KRT81: variants seen among roughly 807,000 people sequenced by gnomAD.
The protein encoded by KRT81 is keratin 81.
KRT81 carries 35 observed loss-of-function variants against 35.8 expected under a neutral mutation model. That is an observed-to-expected ratio of 0.98 (90% confidence interval 0.75 to 1.30). KRT81 has a LOEUF of 1.30. Ranked by LOEUF, KRT81 falls within the 50% of genes most tolerant of loss-of-function variation. The pLI is 0.00. For synonymous variants in KRT81, 249 were observed against 251.2 expected (o/e 0.99, Z 0.08); for missense variants, 531 against 577.4 (o/e 0.92, Z 0.82).
At chr12:52,287,942 C>T (rs1938007611) in intron 5 of KRT81, 42 bp downstream of exon 5, 3 of 1,613,986 alleles carry the variant, frequency 1.9e-6, no homozygotes, top group Non-Finnish European at 2.5e-6. Flanking sequence ...TCACATCCCT[C>T]CCACTGACAC....
In KRT81 at chr12:52,288,056, G is replaced by C. The variant is rs575437435; in HGVS notation, c.828C>G (p.Ala276=). 45 of 1,614,046 alleles carry C rather than the reference G, an allele frequency of 2.8e-5. No homozygotes were observed. The highest frequency in any genetic ancestry group is 3.4e-5 in the Non-Finnish European group (40 of 1,180,054). Residue 276 remains alanine, a synonymous_variant, in exon 5 of 9, where the codon GCC becomes GCG. Transcript: ENST00000327741. ...TGTCGTCATACTGTGCCTTAATCTC[G>C]GCAATGATGCAGTCCATGTTCAGGT... is the stretch of plus-strand genomic sequence containing the variant. ...SRDLNMDCII[A]EIKAQYDDIV...
intron 7 of KRT81, 70 bp downstream of exon 7, chr12:52,287,032 C>T (rs978452210): frequency 6.3e-5 from 102 of 1,611,712 alleles, no homozygotes; most frequent in Non-Finnish European, 7.9e-5. Context: ...CATTGCTCAG[C>T]CAAGGCCAAG....
chr12:52,287,447 C>A, intron 6 of KRT81, 125 bp from the exon 7 acceptor site: 4 of 1,571,706 alleles, frequency 2.5e-6, no homozygotes, highest in Non-Finnish European at 3.5e-6. Context: ...CCTTTATCAC[C>A]TGGGACTCAT....
chr12:52,291,127 G>C lies in KRT81; in HGVS notation c.339C>G (p.Leu113=). The C allele has an allele frequency of 2.2e-6, 2 of 918,350 alleles. No homozygotes were observed. Among genetic ancestry groups the C allele is most frequent in the Non-Finnish European group, 3.1e-6 (2 of 648,900 alleles). 56.9% of individuals were successfully genotyped at this position (918,350 alleles called of 1,614,324 possible). A position where few individuals can be genotyped will look rare whatever the true frequency, so the allele number is the denominator to read the frequency against. ...CGATGAAGGCCGCGAACCTGCTGTT[G>C]AGGGACTTGATCTGCTCCTTCTCCT... ...KQEEKEQIKS[L]NSRFAAFIDK... is the part of the protein sequence containing the mutation. The change falls in exon 1 of 9, where the codon CTC becomes CTG. Residue 113 remains leucine, a synonymous_variant. Transcript: ENST00000327741.
chr12:52,288,607 G>T, intron 3 of KRT81, 151 bp from the exon 4 acceptor site: 2 of 997,842 alleles, frequency 2.0e-6, no homozygotes, highest in Non-Finnish European at 3.2e-6. Context: ...TTCCTGGGAT[G>T]AGCTGGCATC....
At chr12:52,287,063 G>T in intron 7 of KRT81, 39 bp downstream of exon 7, 2 of 1,612,494 alleles carry the variant, frequency 1.2e-6, no homozygotes, top group Non-Finnish European at 1.7e-6. Context: ...TGCCAGGGAT[G>T]GGGAAGGGTG....
intron 8 of KRT81, 137 bp downstream of exon 8, chr12:52,286,654 G>A: frequency 1.7e-6 from 2 of 1,180,634 alleles, no homozygotes; most frequent in South Asian, 1.3e-5. Flanking sequence ...TCTTTTGGAT[G>A]TCTGACCCCA....
In KRT81 at chr12:52,285,984, C is replaced by T. The variant is rs1937915608; in HGVS notation, c.*271G>A. ...AGGGGAGAGGCAGGAAGGCAGTTGC[C>T]GTGGGCAAGGTTCTGGTCCTGGCCC... is the stretch of plus-strand genomic sequence containing the variant. On this transcript the variant is annotated 3_prime_UTR_variant, in exon 9 of 9. Transcript: ENST00000327741. 5.7e-6 allele frequency: 3 copies of T among 522,554 alleles called. No homozygotes were observed. Among genetic ancestry groups the T allele is most frequent in the Middle Eastern group, 5.0e-4 (1 of 1,984 alleles). The allele number at this position is 522,554 out of a possible 1,614,324, so 32.4% of individuals were successfully genotyped here.
At chr12:52,287,757 G>C (rs1268699095) in intron 5 of KRT81, 36 bp from the exon 6 acceptor site, 1 of 1,613,988 alleles carries the variant, frequency 6.2e-7, no homozygotes, top group Admixed American at 1.7e-5. Flanking sequence ...GGTTCAGGGT[G>C]GGACCTCCCA....
rs1382935306 is a variant in KRT81 at position 52,291,091 on chromosome 12, A to G, written c.369+6T>C. The G allele has an allele frequency of 9.5e-6, 6 of 630,424 alleles. No individual in the cohort carries two copies. Among genetic ancestry groups the G allele is most frequent in the Admixed American group, 3.8e-5 (1 of 26,610 alleles). 39.1% of individuals were successfully genotyped at this position (630,424 alleles called of 1,614,324 possible). The stretch of plus-strand genomic sequence containing the variant: ...GTTCAGGAAGGGTGTGATCCAGGAC[A>G]CCCACCTTGTCGATGAAGGCCGCGA... On this transcript the variant is annotated splice_donor_region_variant and intron_variant, in intron 1 of 8. Coordinates refer to ENST00000327741, the MANE Select transcript of KRT81 (RefSeq NM_002281.4).
rs148003777 is a variant in KRT81, at chr12:52,291,478, C to G, written c.-13G>C. ...ATCCGCAGGTCATGATCCTCCTGGA[C>G]GTTTGGGTTGCAGAGGACAGGATAG... On this transcript the variant is annotated 5_prime_UTR_variant, in exon 1 of 9. Coordinates refer to ENST00000327741, the MANE Select transcript of KRT81 (RefSeq NM_002281.4). 2.5e-6 allele frequency: 4 copies of G among 1,612,486 alleles called. No homozygotes were observed. The highest frequency in any genetic ancestry group is 1.3e-5 in the African/African-American group (1 of 75,020).
At position 52,288,022 on chromosome 12, in the gene KRT81, G is replaced by A. The variant is rs144716678; in HGVS notation, c.862C>T (p.Arg288Cys). The change falls in exon 5 of 9, where the codon CGC becomes TGC. Residue 288 changes from arginine (R) to cysteine (C), a missense_variant. By Grantham distance (180) the Arg-to-Cys change is radical (BLOSUM62 -3). This residue lies in a region of KRT81 where 194 missense variants were observed against 198.2 expected (regional missense o/e 0.98). Coordinates refer to ENST00000327741, the MANE Select transcript of KRT81 (RefSeq NM_002281.4). Reference protein sequence around the residue: ...IKAQYDDIVTRSRAEAESWYR... With the variant: ...IKAQYDDIVTCSRAEAESWYR... ...CAGGACTCGGCCTCGGCCCGGCTGC[G>A]GGTGACAATGTCGTCATACTGTGCC... 4.8e-4 allele frequency: 770 copies of A among 1,614,176 alleles called. 1 individual carries two copies. The highest frequency in any genetic ancestry group is 5.8e-4 in the Non-Finnish European group (683 of 1,180,036).
chr12:52,287,893 C>T (rs1938005566), intron 5 of KRT81, 91 bp downstream of exon 5: 1 of 1,608,666 alleles, frequency 6.2e-7, no homozygotes, highest in African/African-American at 1.3e-5. Flanking sequence ...TCCCTAGGGA[C>T]CAGCATCCCC....
At chr12:52,287,477 A>T (rs1937985094) in intron 6 of KRT81, 119 bp downstream of exon 6, 4 of 1,593,308 alleles carry the variant, frequency 2.5e-6, no homozygotes, top group Non-Finnish European at 3.4e-6. Context: ...ACGACCAGGG[A>T]CTCTACATGG....
Position 52,286,502 on chromosome 12 carries a change from C to G in KRT81, c.1280-9G>C. The G allele has an allele frequency of 6.4e-7, 1 of 1,551,790 alleles. No homozygotes were observed. The highest frequency in any genetic ancestry group is 8.7e-7 in the Non-Finnish European group (1 of 1,147,412). On this transcript the variant is annotated splice_polypyrimidine_tract_variant and intron_variant, in intron 8 of 8. Transcript: ENST00000327741. ...CCGGGAGCTGCTGACACCTGTGAAC[C>G]CCGAAGGCTGAGTCAAAATTCTGAA...
intron 8 of KRT81, 48 bp from the exon 9 acceptor site, chr12:52,286,541 T>C (rs1404864383): frequency 6.5e-7 from 1 of 1,533,710 alleles, no homozygotes; most frequent in Non-Finnish European, 8.8e-7. Context: ...CAAGCCATCC[T>C]GCCTTCCTGA....
At chr12:52,287,894 C>G (rs1470171086) in intron 5 of KRT81, 90 bp downstream of exon 5, 2 of 1,609,060 alleles carry the variant, frequency 1.2e-6, no homozygotes, top group Non-Finnish European at 1.7e-6. Flanking sequence ...CCCTAGGGAC[C>G]AGCATCCCCA....
At position 52,286,151 on chromosome 12, in the gene KRT81, T is replaced by C. The variant is rs1268571089; in HGVS notation, c.*104A>G. The C allele has an allele frequency of 5.5e-6, 5 of 915,570 alleles. No homozygotes were observed. The highest frequency in any genetic ancestry group is 2.8e-5 in the South Asian group (2 of 70,412). The allele number at this position is 915,570 out of a possible 1,614,324, so 56.7% of individuals were successfully genotyped here. A position where few individuals can be genotyped will look rare whatever the true frequency, so the allele number is the denominator to read the frequency against. On this transcript the variant is annotated 3_prime_UTR_variant, in exon 9 of 9. Transcript: ENST00000327741. ...CAGGAGTGGGAGGGGTCTTTCAAAG[T>C]GCAGGAGAAGTAGCTGAGCACTTGC...
chr12:52,288,552 C>T, intron 3 of KRT81, 96 bp from the exon 4 acceptor site: 1 of 1,426,758 alleles, frequency 7.0e-7, no homozygotes, highest in Non-Finnish European at 9.9e-7. Flanking sequence ...CAGGGGAAAG[C>T]AGTCCCTGGT....
Sources: gnomAD v4.1 joint callset for allele counts on GRCh38, gnomAD v4.1.1 for gene constraint, gnomAD v4.1.1 regional missense constraint, MANE v1.5 for transcripts, NCBI Gene and HGNC (gene_info 2026-07-23, HGNC 2026-07-21) for gene names.